The following MGAT4A variants were observed in gnomAD, a reference collection of about 807,000 sequenced individuals.
MGAT4A encodes alpha-1,3-mannosyl-glycoprotein 4-beta-N-acetylglucosaminyltransferase A.
Under a neutral mutation model 74.1 loss-of-function variants are expected in MGAT4A, and 33 were observed. The ratio of observed to expected loss-of-function variants is 0.45; its 90% confidence interval spans 0.34 to 0.60. The LOEUF is 0.60. MGAT4A is among the 20% of genes least tolerant of loss of function. The pLI is 0.02. For synonymous variants in MGAT4A, 198 were observed against 210.4 expected, an observed-to-expected ratio of 0.94 and a Z score of 0.51; for missense variants, 479 against 628.3, an observed-to-expected ratio of 0.76 and a Z score of 2.54.
rs777970444 is a variant in MGAT4A at position 98,620,441 on chromosome 2, TTC to T, written c.*5123_*5124del. 2 of 152,254 alleles carry T rather than the reference TTC, an allele frequency of 1.3e-5. No homozygotes were observed. The highest frequency in any genetic ancestry group is 2.4e-5 in the African/African-American group (1 of 41,464). The allele number at this position is 152,254 out of a possible 1,614,324, so 9.4% of individuals were successfully genotyped here. ...CTTCTGACAGTCTTAACCTCTCATT[TTC>T]TCTCTTTTAGTTCTACTTGTCTCGT... On this transcript the variant is annotated 3_prime_UTR_variant, in exon 16 of 16. Coordinates refer to ENST00000393487, the MANE Select transcript of MGAT4A (RefSeq NM_012214.3).
At chr2:98,699,446 T>C (rs1443224768) in intron 2 of MGAT4A, among the ~76,000 whole-genome samples, 1 of 152,136 alleles carries the variant, frequency 6.6e-6, no homozygotes, top group East Asian at 1.9e-4. Context: ...TTCTGATAAT[T>C]AGCAGTCTCA....
rs943262870 is a variant in MGAT4A at position 98,624,609 on chromosome 2, A to C, written c.*957T>G. The C allele has an allele frequency of 2.0e-5, 20 of 984,992 alleles. No homozygotes were observed. In the African/African-American group the frequency reaches 3.1e-4, roughly 15 times the overall value. 61.0% of individuals were successfully genotyped at this position (984,992 alleles called of 1,614,324 possible). A position where few individuals can be genotyped will look rare whatever the true frequency, so the allele number is the denominator to read the frequency against. ...ACATTTTGTCTGACGTCATAAAATG[A>C]GTGCAGATATAAAAGAATCAACAGC... On this transcript the variant is annotated 3_prime_UTR_variant, in exon 16 of 16. Transcript: ENST00000393487.
chr2:98,680,729 G>A (rs1461542207), intron 2 of MGAT4A, among the ~76,000 whole-genome samples: 1 of 152,154 alleles, frequency 6.6e-6, no homozygotes, highest in African/African-American at 2.4e-5. Context: ...AGCATTTTCT[G>A]CATGTGTAAA....
intron 2 of MGAT4A, among the ~76,000 whole-genome samples, chr2:98,687,744 G>A (rs139471290): frequency 2.2e-4 from 33 of 151,164 alleles, no homozygotes; most frequent in African/African-American, 7.5e-4. Flanking sequence ...CCATGTGAAT[G>A]GTTTAAACAG....
intron 2 of MGAT4A, among the ~76,000 whole-genome samples, chr2:98,690,319 C>T (rs986522536): frequency 6.6e-6 from 1 of 152,152 alleles, no homozygotes; most frequent in Non-Finnish European, 1.5e-5. Flanking sequence ...TGAGTGGAGG[C>T]CACAGGAGAA....
intron 2 of MGAT4A, among the ~76,000 whole-genome samples, chr2:98,693,243 T>C (rs903321928): frequency 6.6e-6 from 1 of 152,092 alleles, no homozygotes. Flanking sequence ...AAAATCAAGA[T>C]ATTCTTATAA....
chr2:98,710,650 G>C (rs1394481021), intron 2 of MGAT4A, among the ~76,000 whole-genome samples: 2 of 152,102 alleles, frequency 1.3e-5, no homozygotes, highest in African/African-American at 2.4e-5. Flanking sequence ...AGTACAGATG[G>C]GGGGCGGGGA....
chr2:98,681,013 C>T lies in MGAT4A; in HGVS notation c.95-2542G>A, dbSNP rs573729478. On this transcript the variant is annotated intron_variant, in intron 2 of 15. Transcript: ENST00000393487. ...TTGTTCTTTTTTTGAGACGGAGTCT[C>T]GCTCTGTCACCCAGGCTGGAGTGCA... 3.2e-4 allele frequency among the ~76,000 whole-genome samples: 49 copies of T among 152,242 alleles called. 1 individual carries two copies. Among genetic ancestry groups the T allele is most frequent in the South Asian group, 2.5e-3 (12 of 4,816 alleles).
intron 10 of MGAT4A, among the ~76,000 whole-genome samples, chr2:98,641,137 CACCTTGACAAATATTTATTTAGACTT>C: frequency 6.6e-6 from 1 of 152,102 alleles, no homozygotes; most frequent in Admixed American, 6.6e-5. Context: ...CACCGAGGGC[CACCTTGACAAATATTTATTTAGACTT>C]TTCATTTTCA....
At chr2:98,696,893 C>T (rs1019905662) in intron 2 of MGAT4A, among the ~76,000 whole-genome samples, 4 of 152,176 alleles carry the variant, frequency 2.6e-5, no homozygotes, top group Non-Finnish European at 5.9e-5. Context: ...TTATTGATAT[C>T]TCCCTTTTAT....
At chr2:98,724,739 A>G (rs1702735732) in intron 2 of MGAT4A, among the ~76,000 whole-genome samples, 1 of 152,122 alleles carries the variant, frequency 6.6e-6, no homozygotes, top group Non-Finnish European at 1.5e-5. Context: ...GCACAGTGAG[A>G]AGGGTCAAGT....
chr2:98,695,256 C>G (rs1468437533), intron 2 of MGAT4A: 1 of 153,364 alleles, frequency 6.5e-6, no homozygotes, highest in Non-Finnish European at 1.5e-5. Flanking sequence ...TGCCTGGTCT[C>G]TAAATCCTGG....
chr2:98,619,344 A>T lies in MGAT4A; in HGVS notation c.*6222T>A, dbSNP rs1701010817. 1 of 152,534 alleles carries T rather than the reference A, an allele frequency of 6.6e-6. No individual in the cohort carries two copies. The highest frequency in any genetic ancestry group is 1.5e-5 in the Non-Finnish European group (1 of 68,030). The allele number at this position is 152,534 out of a possible 1,614,324, so 9.4% of individuals were successfully genotyped here. A position where few individuals can be genotyped will look rare whatever the true frequency, so the allele number is the denominator to read the frequency against. ...CGGATAGGAATCATTCAGCCAATGA[A>T]GACATTTTAAGGAAAATATATACAA... On this transcript the variant is annotated 3_prime_UTR_variant, in exon 16 of 16. Transcript: ENST00000393487.
At chr2:98,698,021 G>C (rs1455763738) in intron 2 of MGAT4A, among the ~76,000 whole-genome samples, 1 of 152,202 alleles carries the variant, frequency 6.6e-6, no homozygotes, top group Admixed American at 6.5e-5. Context: ...TTTTACAACT[G>C]AAAAGATGGC....
chr2:98,635,283 T>A lies in MGAT4A; in HGVS notation c.1407A>T (p.Glu469Asp), dbSNP rs755652318. 1.2e-6 allele frequency: 2 copies of A among 1,604,108 alleles called. No homozygotes were observed. The highest frequency in any genetic ancestry group is 4.5e-5 in the East Asian group (2 of 44,776). ...TTVEVLPFKS[E>D]GLEISKETKD... is the part of the protein sequence containing the mutation. Reference sequence around the variant, plus strand: ...TGGTTTCTTTGCTTATTTCCAAACCTTCACTCTAAAATAAAACAAAAGCAT... The same window carrying A: ...TGGTTTCTTTGCTTATTTCCAAACCATCACTCTAAAATAAAACAAAAGCAT... Residue 469 changes from glutamate (E) to aspartate (D), a missense_variant, in exon 14 of 16, where the codon GAA becomes GAT. Physicochemically the swap from Glu to Asp is conservative, Grantham distance 45. Coordinates refer to ENST00000393487, the MANE Select transcript of MGAT4A (RefSeq NM_012214.3).
Position 98,639,927 on chromosome 2 carries a change from C to T in MGAT4A, c.1203G>A (p.Lys401=), listed in dbSNP as rs771032440. The change falls in exon 12 of 16, where the codon AAG becomes AAA. Residue 401 remains lysine, a synonymous_variant. Transcript: ENST00000393487. ...TCTCCAGCGTATGCCCTTGGTAGACCTTCAAGGAAGTAGATACCTCCGCAG... is the reference window on the plus strand; with the variant it reads ...TCTCCAGCGTATGCCCTTGGTAGACTTTCAAGGAAGTAGATACCTCCGCAG... The part of the protein sequence containing the change: ...NPPAEVSTSL[K]VYQGHTLEKT... The T allele has an allele frequency of 6.2e-7, 1 of 1,614,040 alleles. No homozygotes were observed. The highest frequency in any genetic ancestry group is 1.3e-5 in the African/African-American group (1 of 75,004).
intron 2 of MGAT4A, among the ~76,000 whole-genome samples, chr2:98,702,077 C>G (rs572108242): frequency 1.3e-4 from 20 of 152,282 alleles, no homozygotes; most frequent in Non-Finnish European, 2.4e-4. Flanking sequence ...GGAAAGCAAG[C>G]AAGACATTCA....
At chr2:98,633,040 G>C (rs557864047) in intron 14 of MGAT4A, among the ~76,000 whole-genome samples, 71 of 152,344 alleles carry the variant, frequency 4.7e-4, no homozygotes, top group African/African-American at 1.6e-3. Flanking sequence ...TTACAGGCAT[G>C]AGCCACTGCG....
At position 98,731,096 on chromosome 2, in the gene MGAT4A, A is replaced by AGCC. The variant is rs1206270683; in HGVS notation, c.-287_-285dup. On this transcript the variant is annotated 5_prime_UTR_variant, in exon 1 of 16. Coordinates refer to ENST00000393487, the MANE Select transcript of MGAT4A (RefSeq NM_012214.3). The surrounding 1 kb of genome is among the most constrained non-coding windows in gnomAD (Gnocchi z 4.8). The stretch of plus-strand genomic sequence containing the variant: ...CCGCGGCTGCCGGCGGAGCTGCTGT[A>AGCC]GCCGCCGCCGCCGCTGCCGCCGCCG... 5.2e-5 allele frequency: 6 copies of AGCC among 114,860 alleles called. No individual in the cohort carries two copies. The highest frequency in any genetic ancestry group is 2.4e-4 in the South Asian group (1 of 4,184). 7.1% of individuals were successfully genotyped at this position (114,860 alleles called of 1,614,324 possible).
Sources: allele counts gnomAD v4.1 joint callset (sites outside exome capture counted in the v4.1 genomes callset), GRCh38; gene constraint gnomAD v4.1.1; non-coding constraint Gnocchi (gnomAD v3.1); transcripts MANE v1.5; gene names NCBI Gene and HGNC (gene_info 2026-07-23, HGNC 2026-07-21).